TENM1: variants seen among roughly 807,000 people sequenced by gnomAD.
TENM1 encodes the protein teneurin-1.
A neutral mutation model predicts 174.8 loss-of-function variants in TENM1; 35 were observed. The observed-to-expected ratio is 0.20, with a 90% CI of 0.15 to 0.27. TENM1 has a LOEUF of 0.27. Ranked by LOEUF, TENM1 falls within the 10% of genes least tolerant of loss-of-function variation. TENM1 has a pLI of 1.00. For missense variants in TENM1, 1,633 were observed against 2,130.1 expected (o/e 0.77, Z 4.59); for synonymous variants, 781 against 798.7 (o/e 0.98, Z 0.37).
chrX:124,805,283 T>C (rs2055564091), intron 3 of TENM1, among the ~76,000 whole-genome samples: 1 of 111,824 alleles, frequency 8.9e-6, no homozygotes, highest in Non-Finnish European at 1.9e-5. Context: ...TGTGTTGTGC[T>C]GAGGAGATTG....
rs2060660399 is a variant in TENM1, at chrX:124,422,140, G to A, written c.4471+132C>T. On this transcript the variant is annotated intron_variant, in intron 24 of 31. Transcript: ENST00000422452. ...TCGGTGATCTGACTCCTAATCCATC[G>A]CTTTCTCCACTAGCTCATACCAATG... 7.2e-6 allele frequency: 6 copies of A among 835,877 alleles called. No individual in the cohort carries two copies. The South Asian group carries it at 7.9e-5, about 11-fold the overall frequency. The allele number at this position is 835,877 out of a possible 1,213,427, so 68.9% of individuals were successfully genotyped here. A position where few individuals can be genotyped will look rare whatever the true frequency, so the allele number is the denominator to read the frequency against.
intron 11 of TENM1, among the ~76,000 whole-genome samples, chrX:124,630,375 T>G (rs186712194): frequency 8.9e-6 from 1 of 112,295 alleles, no homozygotes; most frequent in Non-Finnish European, 1.9e-5. Context: ...GCAATATTTC[T>G]TAGAACATTC....
the TENM1 span, among the ~76,000 whole-genome samples, chrX:125,128,174 G>T: frequency 2.7e-5 from 3 of 110,636 alleles, no homozygotes; most frequent in African/African-American, 9.8e-5. Flanking sequence ...CAAAATTTTT[G>T]ATCTATTAAA....
the TENM1 span, among the ~76,000 whole-genome samples, chrX:125,136,108 T>C: frequency 8.9e-6 from 1 of 111,849 alleles, no homozygotes; most frequent in Non-Finnish European, 1.9e-5. Context: ...GGTTATTCTT[T>C]AGACCTTAAG....
chrX:124,527,098 GATGATAAT>G (rs1423965560), intron 16 of TENM1, among the ~76,000 whole-genome samples: 1 of 112,049 alleles, frequency 8.9e-6, no homozygotes, highest in Non-Finnish European at 1.9e-5. Flanking sequence ...AAATGGGGAG[GATGATAAT>G]AATGATATTT....
chrX:124,801,352 C>A (rs2055444035), intron 3 of TENM1, among the ~76,000 whole-genome samples: 1 of 111,710 alleles, frequency 9.0e-6, no homozygotes, highest in Admixed American at 9.5e-5. Flanking sequence ...TAATGCCCTT[C>A]TTTGTGTTTT....
At chrX:124,483,870 G>A (rs1003533687) in intron 21 of TENM1, among the ~76,000 whole-genome samples, 2 of 111,684 alleles carry the variant, frequency 1.8e-5, no homozygotes, top group African/African-American at 6.5e-5. Flanking sequence ...AAAGAAGAGG[G>A]ACTTGTGTCT....
intron 3 of TENM1, 91 bp from the exon 7 acceptor site, chrX:124,737,288 A>C: frequency 1.0e-6 from 1 of 999,104 alleles, no homozygotes; most frequent in Non-Finnish European, 1.3e-6. Flanking sequence ...CCAGGATTTC[A>C]GATAATAAAA....
the TENM1 span, among the ~76,000 whole-genome samples, chrX:125,096,803 T>C: frequency 9.1e-6 from 1 of 109,440 alleles, no homozygotes; most frequent in Non-Finnish European, 1.9e-5. Flanking sequence ...TAACAAACAA[T>C]CCTAATTCCC....
chrX:125,189,114 ACAAAGGGCTCTTCT>A, the TENM1 span, among the ~76,000 whole-genome samples: 3 of 112,081 alleles, frequency 2.7e-5, no homozygotes, highest in African/African-American at 3.2e-5. Context: ...CTGGGGAAAA[ACAAAGGGCTCTTCT>A]CTGCTCACTT....
chrX:124,573,880 A>C (rs780531111), intron 11 of TENM1, among the ~76,000 whole-genome samples: 4 of 112,292 alleles, frequency 3.6e-5, no homozygotes, highest in Non-Finnish European at 7.5e-5. Context: ...TGGGTGAAGA[A>C]CTAACAGAAA....
At chrX:125,000,406 A>G in the TENM1 span, among the ~76,000 whole-genome samples, 134 of 111,749 alleles carry the variant, frequency 1.2e-3, no homozygotes, top group Middle Eastern at 4.6e-3. Context: ...CCGTCTTTCT[A>G]TTTATGTCAG....
rs773607220 is a variant in TENM1 at position 124,854,455 on chromosome X, T to A, written c.535+39841A>T. On this transcript the variant is annotated intron_variant, in intron 3 of 31. Coordinates refer to ENST00000422452, the Ensembl canonical transcript of TENM1. ...TCTCAGAAATCACCGCTGAAGAACT[T>A]ATCCATGTAACCAAACACCACGTGT... Among the ~76,000 whole-genome samples the A allele has an allele frequency of 3.2e-4, 36 of 111,118 alleles. 1 individual carries two copies. In the South Asian group the frequency reaches 0.013, roughly 41 times the overall value.
At chrX:125,081,227 G>A in the TENM1 span, among the ~76,000 whole-genome samples, 1 of 110,679 alleles carries the variant, frequency 9.0e-6, no homozygotes, top group Non-Finnish European at 1.9e-5. Context: ...TGTGTTTGTC[G>A]GGCCTCTTCT....
At chrX:125,153,634 C>T in the TENM1 span, among the ~76,000 whole-genome samples, 1 of 112,341 alleles carries the variant, frequency 8.9e-6, no homozygotes, top group African/African-American at 3.2e-5. Flanking sequence ...TCAGATTAAG[C>T]TATTCTTTGA....
the TENM1 span, among the ~76,000 whole-genome samples, chrX:125,202,948 T>C: frequency 8.9e-6 from 1 of 112,091 alleles, no homozygotes; most frequent in Non-Finnish European, 1.9e-5. Context: ...GCAGATATGC[T>C]GGCCGTTGCT....
At chrX:124,647,431 C>T (rs772910976) in intron 8 of TENM1, among the ~76,000 whole-genome samples, 9 of 111,158 alleles carry the variant, frequency 8.1e-5, no homozygotes, top group Non-Finnish European at 1.3e-4. Context: ...CCGTTTTCTG[C>T]CACTAATTTC....
intron 4 of TENM1, among the ~76,000 whole-genome samples, chrX:124,707,912 C>A (rs2052949677): frequency 8.9e-6 from 1 of 112,393 alleles, no homozygotes; most frequent in Non-Finnish European, 1.9e-5. Flanking sequence ...TGGCCAAGAT[C>A]CCGCCAGCAT....
At chrX:124,385,304 A>G (rs984315500) in intron 29 of TENM1, among the ~76,000 whole-genome samples, 1 of 112,145 alleles carries the variant, frequency 8.9e-6, no homozygotes, top group East Asian at 2.8e-4. Flanking sequence ...ACTTGTGAAG[A>G]TATTTTGTCA....
Sources: allele counts gnomAD v4.1 joint callset (sites outside exome capture counted in the v4.1 genomes callset), GRCh38; gene constraint gnomAD v4.1.1; transcripts MANE v1.5; gene names NCBI Gene and HGNC (gene_info 2026-07-23, HGNC 2026-07-21).